The following CSF3R variants were observed in gnomAD, a reference collection of about 807,000 sequenced individuals.
CSF3R encodes colony stimulating factor 3 receptor, also known as granulocyte colony-stimulating factor receptor.
CSF3R carries 52 observed loss-of-function variants against 84.4 expected under a neutral mutation model. That is an observed-to-expected ratio of 0.62 (90% CI 0.49 to 0.78). CSF3R has a LOEUF of 0.78. Among genes scored for constraint, CSF3R ranks in the 30% least tolerant of loss-of-function variants. CSF3R has a pLI of 0.00. For synonymous variants in CSF3R, 384 were observed against 429.1 expected (o/e 0.89, Z 1.30); for missense variants, 890 against 1,055.7 (o/e 0.84, Z 2.17).
In CSF3R at chr1:36,473,442, C is replaced by T; in HGVS notation, c.666G>A (p.Met222Ile). 3 of 1,613,852 alleles carry T rather than the reference C, an allele frequency of 1.9e-6. No homozygotes were observed. The highest frequency in any genetic ancestry group is 2.5e-6 in the Non-Finnish European group (3 of 1,179,950). The change falls in exon 6 of 17, where the codon ATG (methionine) becomes ATA (isoleucine). Residue 222 changes from methionine (M) to isoleucine (I), a missense_variant. Transcript: ENST00000373106. ...CTCCCCTGCATCACCCACCAACATCCATGGGATCAAGACACAGTTGTGGGG... is the reference window on the plus strand; with the variant it reads ...CTCCCCTGCATCACCCACCAACATCTATGGGATCAAGACACAGTTGTGGGG... The part of the protein sequence containing the change: ...SMSPQLCLDP[M>I]DVVKLEPPML...
At chr1:36,476,538 C>G (rs1028428256) in intron 3 of CSF3R, among the ~76,000 whole-genome samples, 1 of 152,230 alleles carries the variant, frequency 6.6e-6, no homozygotes, top group Admixed American at 6.5e-5. Context: ...ATACCGGTCT[C>G]TCAGCTCCAG....
chr1:36,466,813 C>T lies in CSF3R; in HGVS notation c.2055G>A (p.Leu685=). 1 of 1,614,194 alleles carries T rather than the reference C, an allele frequency of 6.2e-7. No individual in the cohort carries two copies. The highest frequency in any genetic ancestry group is 1.1e-5 in the South Asian group (1 of 91,084). The stretch of plus-strand genomic sequence containing the variant: ...TGATGGGTGGCGTGCCAAGGCCGGG[C>T]AGCTGGAAGGCATCCTGCACACAAG... ...PTIMEEDAFQ[L]PGLGTPPITK... Residue 685 remains leucine, a synonymous_variant, in exon 17 of 17, where the codon CTG becomes CTA. Coordinates refer to ENST00000373106, the MANE Select transcript of CSF3R (RefSeq NM_000760.4). The surrounding 1 kb of genome is among the most constrained non-coding windows in gnomAD (Gnocchi z 4.6).
Position 36,475,397 on chromosome 1 carries a change from T to G in CSF3R, c.341A>C (p.Gln114Pro), listed in dbSNP as rs1651066809. The G allele has an allele frequency of 1.9e-6, 3 of 1,613,906 alleles. No individual in the cohort carries two copies. Among genetic ancestry groups the G allele is most frequent in the Non-Finnish European group, 2.5e-6 (3 of 1,180,032 alleles). Residue 114 changes from glutamine (Q) to proline (P), a missense_variant, in exon 4 of 17, where the codon CAG becomes CCG. Transcript: ENST00000373106. The part of the protein sequence containing the change: ...NWGNSLQILD[Q>P]VELRAGYPPA... ...CTTACAGCCTGCGCGCAGCTCAACC[T>G]GGTCCAGGATCTGCAGGCTGTTGCC...
chr1:36,475,505 A>T lies in CSF3R; in HGVS notation c.233T>A (p.Leu78Gln). Residue 78 changes from leucine (L) to glutamine (Q), a missense_variant, in exon 4 of 17, where the codon CTG (leucine) becomes CAG (glutamine). Coordinates refer to ENST00000373106, the MANE Select transcript of CSF3R (RefSeq NM_000760.4). The part of the protein sequence containing the change: ...ELQPGGRQQR[L>Q]SDGTQESIIT... The stretch of plus-strand genomic sequence containing the variant: ...GATAGATTCCTGGGTCCCATCAGAC[A>T]GACGCTGCTGCCTGCCCCCGGGCTG... 2 of 1,614,128 alleles carry T rather than the reference A, an allele frequency of 1.2e-6. No homozygotes were observed. The highest frequency in any genetic ancestry group is 2.2e-5 in the South Asian group (2 of 91,084).
chr1:36,473,860 G>T lies in CSF3R; in HGVS notation c.389C>A (p.Ser130Tyr). The change falls in exon 5 of 17, where the codon TCC (serine) becomes TAC (tyrosine). Residue 130 changes from serine to tyrosine, a missense_variant. Ser to Tyr is a moderately radical substitution (Grantham distance 144). Coordinates refer to ENST00000373106, the MANE Select transcript of CSF3R (RefSeq NM_000760.4). Reference sequence around the variant, plus strand: ...GCTGGTTGTGAGGTTCATGAGGCAGGAGAGGTTGTGGGGTATGGCTGGAGG... The same window carrying T: ...GCTGGTTGTGAGGTTCATGAGGCAGTAGAGGTTGTGGGGTATGGCTGGAGG... ...GYPPAIPHNL[S>Y]CLMNLTTSSL... The T allele has an allele frequency of 6.2e-7, 1 of 1,614,246 alleles. No homozygotes were observed. The highest frequency in any genetic ancestry group is 8.5e-7 in the Non-Finnish European group (1 of 1,180,034).
chr1:36,467,812 C>T lies in CSF3R; in HGVS notation c.1864+10G>A. On this transcript the variant is annotated intron_variant, in intron 14 of 16. Coordinates refer to ENST00000373106, the MANE Select transcript of CSF3R (RefSeq NM_000760.4). The surrounding 1 kb of genome is among the most constrained non-coding windows in gnomAD (Gnocchi z 4.1). The stretch of plus-strand genomic sequence containing the variant: ...ACAGCCATCTCTGCCCAGCCCCCGT[C>T]TCCCCTTACCTGGGGTCAAGGTCAT... 6.2e-7 allele frequency: 1 copy of T among 1,614,268 alleles called. No homozygotes were observed. The highest frequency in any genetic ancestry group is 8.5e-7 in the Non-Finnish European group (1 of 1,180,046).
Position 36,467,364 on chromosome 1 carries a change from A to AT in CSF3R, c.1959-54dup. ...GTCAGACACACCCTCCGATCTTTCC[A>AT]TTTTTTGTCCCACCCACCCCACCTG... On this transcript the variant is annotated intron_variant, in intron 15 of 16. Transcript: ENST00000373106. This position sits in a 1 kb window ranked among gnomAD's most constrained non-coding sequence, Gnocchi z 4.1. 2 of 1,588,390 alleles carry AT rather than the reference A, an allele frequency of 1.3e-6. No homozygotes were observed. Among genetic ancestry groups the AT allele is most frequent in the East Asian group, 2.2e-5 (1 of 44,700 alleles).
Position 36,467,028 on chromosome 1 carries a change from A to G in CSF3R, c.2041-201T>C. Reference sequence around the variant, plus strand: ...TGCACCGTTCAGACTCAGCATGGTCAGTTTTTCCATATCACAGGGAGGTGA... The same window carrying G: ...TGCACCGTTCAGACTCAGCATGGTCGGTTTTTCCATATCACAGGGAGGTGA... On this transcript the variant is annotated intron_variant, in intron 16 of 16. Transcript: ENST00000373106. This position sits in a 1 kb window ranked among gnomAD's most constrained non-coding sequence, Gnocchi z 4.1. 7.3e-7 allele frequency: 1 copy of G among 1,378,414 alleles called. No individual in the cohort carries two copies. Among genetic ancestry groups the G allele is most frequent in the Non-Finnish European group, 1.0e-6 (1 of 992,820 alleles). The allele number at this position is 1,378,414 out of a possible 1,614,324, so 85.4% of individuals were successfully genotyped here.
rs144323240 is a variant in CSF3R at position 36,469,695 on chromosome 1, C to A, written c.1431G>T (p.Trp477Cys). ...PPSASNSNKTWRMEQNGRATG... is the reference protein window; with the variant it reads ...PPSASNSNKTCRMEQNGRATG... ...TGGCTCTCCCATTCTGTTCCATCCTCCAGGTCTTGTTGCTATTGCTCGCGC... is the reference window on the plus strand; with the variant it reads ...TGGCTCTCCCATTCTGTTCCATCCTACAGGTCTTGTTGCTATTGCTCGCGC... The change falls in exon 11 of 17, where the codon TGG becomes TGT. Residue 477 changes from tryptophan to cysteine, a missense_variant. Physicochemically the swap from Trp to Cys is radical, Grantham distance 215. Coordinates refer to ENST00000373106, the MANE Select transcript of CSF3R (RefSeq NM_000760.4). 44 of 1,614,120 alleles carry A rather than the reference C, an allele frequency of 2.7e-5. No individual in the cohort carries two copies. The highest frequency in any genetic ancestry group is 3.7e-5 in the Non-Finnish European group (44 of 1,180,062).
chr1:36,481,406 C>T (rs755034266), intron 2 of CSF3R, 72 bp downstream of exon 2: 3 of 152,144 alleles, frequency 2.0e-5, no homozygotes, highest in Non-Finnish European at 2.9e-5. Flanking sequence ...TCTGGGGGGC[C>T]GATATGCAGA....
Position 36,482,814 on chromosome 1 carries a change from G to T in CSF3R, c.-84C>A, listed in dbSNP as rs1651617010. ...TCTCTAGGGATCCCCTACTCACGTT[G>T]GCACCTCTGGCCCAGCCCCTGCTTG... On this transcript the variant is annotated 5_prime_UTR_variant, in exon 1 of 17. Coordinates refer to ENST00000373106, the MANE Select transcript of CSF3R (RefSeq NM_000760.4). The T allele has an allele frequency of 6.6e-6, 1 of 152,360 alleles. No individual in the cohort carries two copies. The highest frequency in any genetic ancestry group is 1.5e-5 in the Non-Finnish European group (1 of 68,248). The allele number at this position is 152,360 out of a possible 1,614,324, so 9.4% of individuals were successfully genotyped here. A position where few individuals can be genotyped will look rare whatever the true frequency, so the allele number is the denominator to read the frequency against.
intron 1 of CSF3R, among the ~76,000 whole-genome samples, chr1:36,482,247 A>G (rs1051672992): frequency 4.6e-5 from 7 of 150,812 alleles, no homozygotes; most frequent in Non-Finnish European, 1.0e-4. Flanking sequence ...GATTGAGGCC[A>G]GAGAGATATC....
rs1406781909 is a variant in CSF3R, at chr1:36,472,491, G to T, written c.843+26C>A. 8 of 1,613,974 alleles carry T rather than the reference G, an allele frequency of 5.0e-6. No individual in the cohort carries two copies. The highest frequency in any genetic ancestry group is 6.8e-6 in the Non-Finnish European group (8 of 1,179,988). On this transcript the variant is annotated intron_variant, in intron 7 of 16. Coordinates refer to ENST00000373106, the MANE Select transcript of CSF3R (RefSeq NM_000760.4). This position sits in a 1 kb window ranked among gnomAD's most constrained non-coding sequence, Gnocchi z 5.0. The stretch of plus-strand genomic sequence containing the variant: ...CTGCCCCCTGCCCCCACCACCTCAG[G>T]CTCTCCAGGTTGCCCTCTGCCTCAC...
chr1:36,472,446 C>G lies in CSF3R; in HGVS notation c.844-55G>C, dbSNP rs1057301886. On this transcript the variant is annotated intron_variant, in intron 7 of 16. Transcript: ENST00000373106. This position sits in a 1 kb window ranked among gnomAD's most constrained non-coding sequence, Gnocchi z 5.0. ...TTGGATCGCTGGGCCATTCTAGGGC[C>G]AGCTCGAGCCCGACTTACCCTGCCC... is the stretch of plus-strand genomic sequence containing the variant. The G allele has an allele frequency of 8.4e-5, 135 of 1,613,786 alleles. No individual in the cohort carries two copies. The highest frequency in any genetic ancestry group is 6.4e-4 in the South Asian group (58 of 91,066).
intron 9 of CSF3R, 135 bp from the exon 10 acceptor site, chr1:36,471,781 C>T: frequency 1.1e-6 from 1 of 875,380 alleles, no homozygotes; most frequent in Non-Finnish European, 1.8e-6. Flanking sequence ...CCCCCCTCCC[C>T]TTTTCCCTCT....
At chr1:36,468,895 T>G (rs143723902) in intron 12 of CSF3R, 232 of 483,864 alleles carry the variant, frequency 4.8e-4, no homozygotes, top group African/African-American at 4.3e-3. Flanking sequence ...TAACACCTTA[T>G]TTTTGTCTGG....
rs754083412 is a variant in CSF3R, at chr1:36,472,435, C to T, written c.844-44G>A. 1.9e-6 allele frequency: 3 copies of T among 1,613,726 alleles called. No individual in the cohort carries two copies. The highest frequency in any genetic ancestry group is 2.7e-5 in the African/African-American group (2 of 74,926). Reference sequence around the variant, plus strand: ...GACTCTGAGCCTTGGATCGCTGGGCCATTCTAGGGCCAGCTCGAGCCCGAC... The same window carrying T: ...GACTCTGAGCCTTGGATCGCTGGGCTATTCTAGGGCCAGCTCGAGCCCGAC... On this transcript the variant is annotated intron_variant, in intron 7 of 16. Coordinates refer to ENST00000373106, the MANE Select transcript of CSF3R (RefSeq NM_000760.4). The surrounding 1 kb of genome is among the most constrained non-coding windows in gnomAD (Gnocchi z 5.0).
Position 36,467,474 on chromosome 1 carries a change from G to A in CSF3R, c.1958+84C>T. ...TGGGCCCCAAAGTTTGGGAAGGCTG[G>A]AAGGGACTTAGATGGGCCCATCTGG... is the stretch of plus-strand genomic sequence containing the variant. On this transcript the variant is annotated intron_variant, in intron 15 of 16. Coordinates refer to ENST00000373106, the MANE Select transcript of CSF3R (RefSeq NM_000760.4). This position sits in a 1 kb window ranked among gnomAD's most constrained non-coding sequence, Gnocchi z 4.1. 1 of 1,470,570 alleles carries A rather than the reference G, an allele frequency of 6.8e-7. No homozygotes were observed. Among genetic ancestry groups the A allele is most frequent in the South Asian group, 1.1e-5 (1 of 87,598 alleles). The allele number at this position is 1,470,570 out of a possible 1,614,324, so 91.1% of individuals were successfully genotyped here. A position where few individuals can be genotyped will look rare whatever the true frequency, so the allele number is the denominator to read the frequency against.
chr1:36,468,911 G>T, intron 12 of CSF3R: 1 of 516,852 alleles, frequency 1.9e-6, no homozygotes, highest in Non-Finnish European at 3.5e-6. Flanking sequence ...TCTGGGAAAT[G>T]GTTTGATTTT....
Sources: allele counts gnomAD v4.1 joint callset (sites outside exome capture counted in the v4.1 genomes callset), GRCh38; gene constraint gnomAD v4.1.1; non-coding constraint Gnocchi (gnomAD v3.1); transcripts MANE v1.5; gene names NCBI Gene and HGNC (gene_info 2026-07-23, HGNC 2026-07-21).